Variants in XRN2 observed in about 807,000 individuals in gnomAD.
XRN2 encodes the protein 5'-3' exoribonuclease 2, also known as DHM1-like protein.
A neutral mutation model predicts 138.5 loss-of-function variants in XRN2; 44 were observed. The observed-to-expected ratio is 0.32, with a 90% confidence interval of 0.25 to 0.41. The LOEUF is 0.41. Among genes scored for constraint, XRN2 ranks in the 10% least tolerant of loss-of-function variants. The pLI is 1.00. For synonymous variants in XRN2, 354 were observed against 369.4 expected (o/e 0.96, Z 0.48); for missense variants, 937 against 1,169.3 (o/e 0.80, Z 2.90).
chr20:21,357,146 T>C (rs1207612450), intron 23 of XRN2, among the ~76,000 whole-genome samples: 18 of 152,222 alleles, frequency 1.2e-4, no homozygotes, highest in Admixed American at 1.2e-3. Context: ...GGGTATCTTT[T>C]AGTATTTTAA....
chr20:21,303,700 G>A (rs983598784), intron 1 of XRN2: 22 of 1,269,692 alleles, frequency 1.7e-5, no homozygotes, highest in East Asian at 3.4e-5. Context: ...GGGCCTATAG[G>A]GTTCCGAACT....
intron 17 of XRN2, among the ~76,000 whole-genome samples, chr20:21,347,032 G>A (rs1450903494): frequency 3.9e-5 from 6 of 152,138 alleles, no homozygotes; most frequent in African/African-American, 1.4e-4. Flanking sequence ...TTCTGAAGAC[G>A]TGGAAGTTTC....
At chr20:21,366,145 TA>T (rs1203435611) in intron 26 of XRN2, among the ~76,000 whole-genome samples, 2 of 56,470 alleles carry the variant, frequency 3.5e-5, no homozygotes, top group Admixed American at 2.9e-4. Flanking sequence ...ATAACATATA[TA>T]AATATATATT....
rs1180206108 is a variant in XRN2 at position 21,305,553 on chromosome 20, CTTTTTTT to C, written c.75+2097_75+2103del. 2.0e-4 allele frequency among the ~76,000 whole-genome samples: 4 copies of C among 19,842 alleles called. 1 individual carries two copies. The highest frequency in any genetic ancestry group is 3.9e-4 in the African/African-American group (4 of 10,150). The allele number at this position is 19,842 out of a possible 152,430, so 13.0% of individuals were successfully genotyped here. ...ACAGGCATGAGCCACCATACGTGGC[CTTTTTTT>C]TTTTTTTTTTTTTTTTGGATTTTTA... is the stretch of plus-strand genomic sequence containing the variant. On this transcript the variant is annotated intron_variant, in intron 1 of 29. Coordinates refer to ENST00000377191, the MANE Select transcript of XRN2 (RefSeq NM_012255.5).
chr20:21,345,715 C>T (rs2038427487), intron 16 of XRN2, among the ~76,000 whole-genome samples: 1 of 152,018 alleles, frequency 6.6e-6, no homozygotes, highest in African/African-American at 2.4e-5. Flanking sequence ...GATTCATTGA[C>T]CTGCTTCTAG....
intron 17 of XRN2, among the ~76,000 whole-genome samples, 180 bp downstream of exon 17, chr20:21,346,730 C>G (rs991391005): frequency 6.6e-6 from 1 of 152,124 alleles, no homozygotes; most frequent in Non-Finnish European, 1.5e-5. Context: ...AGCGATTCTC[C>G]TGCCTCAGCC....
chr20:21,323,171 C>T (rs1405792495), intron 1 of XRN2, among the ~76,000 whole-genome samples: 1 of 152,222 alleles, frequency 6.6e-6, no homozygotes, highest in African/African-American at 2.4e-5. Flanking sequence ...CATATCTCTT[C>T]TCACATGTTG....
chr20:21,312,469 G>C (rs2037895262), intron 1 of XRN2, among the ~76,000 whole-genome samples: 1 of 152,042 alleles, frequency 6.6e-6, no homozygotes, highest in African/African-American at 2.4e-5. Flanking sequence ...TCAGTCATCA[G>C]CTTCTTCACT....
intron 1 of XRN2, among the ~76,000 whole-genome samples, chr20:21,308,955 G>C (rs933381100): frequency 6.6e-6 from 1 of 152,018 alleles, no homozygotes. Context: ...TCCATTTTTT[G>C]GTCTAGTCAT....
chr20:21,323,065 T>A (rs1270091724), intron 1 of XRN2, among the ~76,000 whole-genome samples: 1 of 152,224 alleles, frequency 6.6e-6, no homozygotes, highest in Admixed American at 6.5e-5. Flanking sequence ...CCCATCTGGC[T>A]GTTGCTGTGA....
intron 20 of XRN2, among the ~76,000 whole-genome samples, chr20:21,352,290 C>T (rs759403142): frequency 5.9e-5 from 9 of 151,794 alleles, no homozygotes; most frequent in Non-Finnish European, 1.0e-4. Context: ...TATCTGGATA[C>T]GTCAACATTT....
intron 13 of XRN2, among the ~76,000 whole-genome samples, chr20:21,335,097 A>C (rs2038266950): frequency 6.6e-6 from 1 of 152,130 alleles, no homozygotes; most frequent in African/African-American, 2.4e-5. Context: ...GTAGAAGGAA[A>C]TTCCTGAAGA....
Position 21,340,761 on chromosome 20 carries a change from CTCATGCCTTGGG to C in XRN2, c.1321_1332del (p.His441_Gly444del). ...TTCACTCCTAGTGGAATATTAACTC[CTCATGCCTTGGG>C]TTCAAGAAATTCACCAGGTTCTCAA... On this transcript the variant is annotated inframe_deletion, in exon 15 of 30. Transcript: ENST00000377191. The C allele has an allele frequency of 6.2e-7, 1 of 1,613,926 alleles. No homozygotes were observed. The highest frequency in any genetic ancestry group is 8.5e-7 in the Non-Finnish European group (1 of 1,179,894).
At chr20:21,309,167 A>G (rs1347956692) in intron 1 of XRN2, among the ~76,000 whole-genome samples, 1 of 152,226 alleles carries the variant, frequency 6.6e-6, no homozygotes, top group Non-Finnish European at 1.5e-5. Flanking sequence ...TTGAGATGTC[A>G]GAATAATGTT....
chr20:21,377,198 A>G (rs977632313), intron 27 of XRN2, among the ~76,000 whole-genome samples: 1 of 150,598 alleles, frequency 6.6e-6, no homozygotes, highest in African/African-American at 2.4e-5. Context: ...GACAATGAAG[A>G]AAGGAAATCT....
chr20:21,344,005 A>G (rs1282020978), intron 15 of XRN2, 85 bp from the exon 16 acceptor site: 7 of 937,132 alleles, frequency 7.5e-6, no homozygotes. Flanking sequence ...ACTGTGAAAC[A>G]TGGTAAGTAG....
intron 27 of XRN2, 102 bp from the exon 28 acceptor site, chr20:21,381,892 T>G: frequency 1.1e-6 from 1 of 934,916 alleles, no homozygotes; most frequent in Non-Finnish European, 1.5e-6. Flanking sequence ...GTTTACAGTC[T>G]TTCTCAGATT....
At position 21,365,585 on chromosome 20, in the gene XRN2, A is replaced by G. The variant is rs374166305; in HGVS notation, c.2337A>G (p.Ala779=). The change falls in exon 26 of 30, where the codon GCA becomes GCG. Residue 779 remains alanine, a synonymous_variant. Coordinates refer to ENST00000377191, the MANE Select transcript of XRN2 (RefSeq NM_012255.5). ...VMLPGARKPA[A]VLKPSDWEKS... Reference sequence around the variant, plus strand: ...TTTAAATGGTCAGAAAGCCAGCAGCAGTACTGAAACCTAGTGACTGGGAAA... The same window carrying G: ...TTTAAATGGTCAGAAAGCCAGCAGCGGTACTGAAACCTAGTGACTGGGAAA... 170 of 1,613,456 alleles carry G rather than the reference A, an allele frequency of 1.1e-4. No individual in the cohort carries two copies. The highest frequency in any genetic ancestry group is 1.3e-4 in the Non-Finnish European group (156 of 1,179,964).
chr20:21,314,125 C>A (rs958124071), intron 1 of XRN2, among the ~76,000 whole-genome samples: 4 of 152,212 alleles, frequency 2.6e-5, no homozygotes. Flanking sequence ...AACCACTAAT[C>A]TACTTTATGT....
Sources: allele counts gnomAD v4.1 joint callset (sites outside exome capture counted in the v4.1 genomes callset), GRCh38; gene constraint gnomAD v4.1.1; transcripts MANE v1.5; gene names NCBI Gene and HGNC (gene_info 2026-07-23, HGNC 2026-07-21).